ZNF730: variants seen among roughly 807,000 people sequenced by gnomAD.
ZNF730 encodes the protein zinc finger protein 730.
In ZNF730, 12 loss-of-function variants were observed where a neutral mutation model predicts 12.6. That is an observed-to-expected ratio of 0.95 (90% CI 0.61 to 1.54). The LOEUF is 1.54. Among genes scored for constraint, ZNF730 ranks in the 40% most tolerant of loss-of-function variants. ZNF730 has a pLI of 0.00. For synonymous variants in ZNF730, 194 were observed against 195.8 expected, an observed-to-expected ratio of 0.99 and a Z score of 0.08; for missense variants, 643 against 583.5, an observed-to-expected ratio of 1.10 and a Z score of -1.05.
chr19:23,076,639 C>G (rs1969866997), intron 1 of ZNF730, among the ~76,000 whole-genome samples: 1 of 152,126 alleles, frequency 6.6e-6, no homozygotes, highest in East Asian at 1.9e-4. Flanking sequence ...ACTGGGTGGT[C>G]TGGGCCTGAG....
At chr19:23,120,120 A>G (rs1970581285) in intron 1 of ZNF730, among the ~76,000 whole-genome samples, 1 of 151,126 alleles carries the variant, frequency 6.6e-6, no homozygotes, top group African/African-American at 2.4e-5. Context: ...TCAGCCTCCC[A>G]AGTAGCCAGG....
At chr19:23,137,898 T>G (rs1294322020) in intron 3 of ZNF730, among the ~76,000 whole-genome samples, 2 of 152,226 alleles carry the variant, frequency 1.3e-5, no homozygotes, top group Admixed American at 1.3e-4. Flanking sequence ...GTGAATATCC[T>G]TTAGGACTTT....
At chr19:23,110,483 A>G (rs1205784261) in intron 1 of ZNF730, among the ~76,000 whole-genome samples, 1 of 140,282 alleles carries the variant, frequency 7.1e-6, no homozygotes, top group Non-Finnish European at 1.5e-5. Flanking sequence ...CACCATGTTG[A>G]TCAGGCTGGA....
At position 23,109,407 on chromosome 19, in the gene ZNF730, C is replaced by CT. The variant is rs1256918262; in HGVS notation, c.-93-24665dup. Among the ~76,000 whole-genome samples the CT allele has an allele frequency of 5.3e-5, 8 of 149,620 alleles. No homozygotes were observed. The South Asian group carries it at 6.4e-4, about 12-fold the overall frequency. On this transcript the variant is annotated intron_variant, in intron 1 of 2. Transcript: ENST00000593635. ...CCACGCCCAGCTAATTTTTTTTTTCCTTTTTTTTCTTTTTTTTTTGAGGCG... is the reference window on the plus strand; with the variant it reads ...CCACGCCCAGCTAATTTTTTTTTTCCTTTTTTTTTCTTTTTTTTTTGAGGCG...
Position 23,122,083 on chromosome 19 carries a change from G to C in ZNF730, c.3+4907G>C, listed in dbSNP as rs550501667. ...TTGGCAAAGGTTTTTTTTTGTTTTT[G>C]TTTATTTTCATTTTTAGTCTTTTAA... On this transcript the variant is annotated intron_variant, in intron 1 of 3. Coordinates refer to ENST00000597761, the MANE Select transcript of ZNF730 (RefSeq NM_001277403.2). Among the ~76,000 whole-genome samples, 48 of 70,460 alleles carry C rather than the reference G, an allele frequency of 6.8e-4. No individual in the cohort carries two copies. The East Asian group carries it at 0.022, about 33-fold the overall frequency. The allele number at this position is 70,460 out of a possible 152,430, so 46.2% of individuals were successfully genotyped here.
chr19:23,083,207 C>G (rs147650984), intron 1 of ZNF730, among the ~76,000 whole-genome samples: 1 of 151,838 alleles, frequency 6.6e-6, no homozygotes. Flanking sequence ...CGGCTGATCA[C>G]GAGGTCAGGA....
intron 1 of ZNF730, among the ~76,000 whole-genome samples, chr19:23,107,466 A>AAAAC (rs1970408210): frequency 6.8e-6 from 1 of 147,856 alleles, no homozygotes; most frequent in South Asian, 2.1e-4. Context: ...AAAAAAAAAA[A>AAAAC]AAAAAAAAAC....
chr19:23,089,240 T>C (rs529525187), intron 1 of ZNF730, among the ~76,000 whole-genome samples: 1 of 151,300 alleles, frequency 6.6e-6, no homozygotes, highest in South Asian at 2.1e-4. Context: ...TTTATTTTTT[T>C]CTGTCTCCCA....
At position 23,100,723 on chromosome 19, in the gene ZNF730, T is replaced by C. The variant is rs556128247; in HGVS notation, c.-94+25336T>C. Among the ~76,000 whole-genome samples the C allele has an allele frequency of 3.5e-5, 5 of 143,124 alleles. No homozygotes were observed. The Admixed American group carries it at 3.5e-4, about 10-fold the overall frequency. 93.9% of individuals were successfully genotyped at this position (143,124 alleles called of 152,430 possible). A position where few individuals can be genotyped will look rare whatever the true frequency, so the allele number is the denominator to read the frequency against. ...CAGGCTGGAGTGCAGTGATGCAATC[T>C]TGGCTCACTGCAACCTCTGCCTCCT... is the stretch of plus-strand genomic sequence containing the variant. On this transcript the variant is annotated intron_variant, in intron 1 of 2. Transcript: ENST00000593635.
chr19:23,135,968 G>A lies in ZNF730; in HGVS notation c.151G>A (p.Asp51Asn), dbSNP rs1170998519. The change falls in exon 3 of 4, where the codon GAC becomes AAC. Residue 51 changes from aspartate to asparagine, a missense_variant. By Grantham distance (23) the Asp-to-Asn change is conservative. Coordinates refer to ENST00000597761, the MANE Select transcript of ZNF730 (RefSeq NM_001277403.2). Reference protein sequence around the residue: ...VFLGIAVSKPDLITCLEQEKE... With the variant: ...VFLGIAVSKPNLITCLEQEKE... Reference sequence around the variant, plus strand: ...AACAGGTATTGCTGTCTCAAAGCCAGACCTGATCACCTGTCTGGAGCAAGA... The same window carrying A: ...AACAGGTATTGCTGTCTCAAAGCCAAACCTGATCACCTGTCTGGAGCAAGA... 2 of 1,609,590 alleles carry A rather than the reference G, an allele frequency of 1.2e-6. No homozygotes were observed. The highest frequency in any genetic ancestry group is 1.7e-6 in the Non-Finnish European group (2 of 1,178,046).
intron 1 of ZNF730, among the ~76,000 whole-genome samples, chr19:23,087,316 G>A (rs904458052): frequency 6.6e-6 from 1 of 152,112 alleles, no homozygotes; most frequent in African/African-American, 2.4e-5. Flanking sequence ...GCTGAAGCAG[G>A]AGAATTGCTT....
upstream of ZNF730, among the ~76,000 whole-genome samples, chr19:23,114,918 C>T (rs948304411): frequency 2.0e-5 from 3 of 152,090 alleles, no homozygotes; most frequent in East Asian, 1.9e-4. Context: ...CAGAGTACCT[C>T]GGACTACAGG....
intron 1 of ZNF730, among the ~76,000 whole-genome samples, chr19:23,104,812 CTG>C (rs1970373745): frequency 1.3e-5 from 2 of 152,160 alleles, no homozygotes; most frequent in African/African-American, 4.8e-5. Context: ...TACACAGTCT[CTG>C]TACAGCGTTC....
Position 23,117,034 on chromosome 19 carries a change from T to C in ZNF730, c.-140T>C. 3 of 1,257,640 alleles carry C rather than the reference T, an allele frequency of 2.4e-6. No homozygotes were observed. The allele number at this position is 1,257,640 out of a possible 1,614,324, so 77.9% of individuals were successfully genotyped here. A position where few individuals can be genotyped will look rare whatever the true frequency, so the allele number is the denominator to read the frequency against. ...TCCGGGATTTGGCGCGGCCTTTGTT[T>C]CTCGCTGCCGCCGAAGCTCCAATTT... On this transcript the variant is annotated 5_prime_UTR_variant, in exon 1 of 4. Coordinates refer to ENST00000597761, the MANE Select transcript of ZNF730 (RefSeq NM_001277403.2).
intron 3 of ZNF730, among the ~76,000 whole-genome samples, chr19:23,137,539 T>C (rs188589799): frequency 8.7e-4 from 132 of 152,384 alleles, no homozygotes; most frequent in African/African-American, 3.1e-3. Context: ...AGCTTCTTAC[T>C]TGTCTTCAAT....
rs765057606 is a variant in ZNF730 at position 23,134,181 on chromosome 19, T to G, written c.105T>G (p.Asp35Glu). 6.2e-7 allele frequency: 1 copy of G among 1,611,948 alleles called. No individual in the cohort carries two copies. Among genetic ancestry groups the G allele is most frequent in the Middle Eastern group, 1.7e-4 (1 of 6,056 alleles). Reference protein sequence around the residue: ...QQNLYRNVMLDNYRNLVFLGI... With the variant: ...QQNLYRNVMLENYRNLVFLGI... ...ATTTATATAGAAATGTAATGTTAGA[T>G]AACTACAGAAACCTGGTCTTCCTGG... Residue 35 changes from aspartate to glutamate, a missense_variant, in exon 2 of 4, where the codon GAT becomes GAG. Coordinates refer to ENST00000597761, the MANE Select transcript of ZNF730 (RefSeq NM_001277403.2).
rs182033550 is a variant in ZNF730, at chr19:23,134,050, T to A, written c.4-30T>A. ...TAAAATTCTGCCCAGGGGCACTTGG[T>A]AAATATGTGTGTTTGTTTGTGTTTT... On this transcript the variant is annotated intron_variant, in intron 1 of 3. Coordinates refer to ENST00000597761, the MANE Select transcript of ZNF730 (RefSeq NM_001277403.2). 5.0e-6 allele frequency: 8 copies of A among 1,610,780 alleles called. No individual in the cohort carries two copies. In the African/African-American group the frequency reaches 1.1e-4, roughly 22 times the overall value.
chr19:23,098,465 A>G (rs1484171333), intron 1 of ZNF730: 5 of 152,138 alleles, frequency 3.3e-5, no homozygotes, highest in Non-Finnish European at 5.9e-5. Context: ...GTATTGTGAC[A>G]TTTCACTGTG....
At chr19:23,141,116 T>C (rs1341486959) in intron 3 of ZNF730, among the ~76,000 whole-genome samples, 1 of 151,154 alleles carries the variant, frequency 6.6e-6, no homozygotes, top group Non-Finnish European at 1.5e-5. Context: ...AAATTTAGGC[T>C]AGATGTGGTG....
Sources: gnomAD v4.1 joint callset for allele counts (sites outside exome capture counted in the v4.1 genomes callset) on GRCh38, gnomAD v4.1.1 for gene constraint, MANE v1.5 for transcripts, NCBI Gene and HGNC (gene_info 2026-07-23, HGNC 2026-07-21) for gene names.